Variants in GSS observed in about 807,000 individuals in gnomAD.
The protein encoded by GSS is GSH synthetase.
In GSS, 34 loss-of-function variants were observed where a neutral mutation model predicts 60.4. That is an observed-to-expected ratio of 0.56 (90% CI 0.43 to 0.75). GSS has a LOEUF of 0.75. Among genes scored for constraint, GSS ranks in the 30% least tolerant of loss-of-function variants. The pLI is 0.00. For missense variants in GSS, 499 were observed against 595.1 expected (o/e 0.84, Z 1.68); for synonymous variants, 224 against 239.0 (o/e 0.94, Z 0.58).
chr20:34,951,927 C>T, intron 1 of GSS, 67 bp from the exon 2 acceptor site: 2 of 1,564,012 alleles, frequency 1.3e-6, no homozygotes, highest in East Asian at 4.5e-5. Context: ...CCGAAACTGG[C>T]TGGCGGCCAC....
intron 1 of GSS, among the ~76,000 whole-genome samples, chr20:34,953,202 G>A (rs2081582628): frequency 6.6e-6 from 1 of 152,168 alleles, no homozygotes; most frequent in Non-Finnish European, 1.5e-5. Flanking sequence ...CTGCCCTGTT[G>A]CCATTTAACA....
Position 34,951,728 on chromosome 20 carries a change from G to C in GSS, c.125C>G (p.Ser42Trp), listed in dbSNP as rs371259433. ...LLRTSQEPTS[S>W]EVVSYAPFTL... is the part of the protein sequence containing the mutation. The stretch of plus-strand genomic sequence containing the variant: ...GGGGAGGAGCTAGGGGCTTACCTCC[G>C]AGGAAGTGGGCTCCTGTGAGGTCCT... The change falls in exon 2 of 13, where the codon TCG (serine) becomes TGG (tryptophan). Residue 42 changes from serine to tryptophan, a missense_variant. Transcript: ENST00000651619. 1.2e-6 allele frequency: 2 copies of C among 1,606,614 alleles called. No homozygotes were observed. Among genetic ancestry groups the C allele is most frequent in the East Asian group, 2.2e-5 (1 of 44,670 alleles).
At chr20:34,936,387 G>C (rs1215224551) in intron 8 of GSS, among the ~76,000 whole-genome samples, 1 of 152,150 alleles carries the variant, frequency 6.6e-6, no homozygotes, top group Non-Finnish European at 1.5e-5. Flanking sequence ...ACAAATCCAG[G>C]CTCGAGCTCA....
Position 34,937,112 on chromosome 20 carries a change from T to G in GSS, c.609-89A>C. 4.6e-6 allele frequency: 4 copies of G among 863,566 alleles called. No individual in the cohort carries two copies. In the East Asian group the frequency reaches 1.0e-4, roughly 22 times the overall value. The allele number at this position is 863,566 out of a possible 1,614,324, so 53.5% of individuals were successfully genotyped here. A position where few individuals can be genotyped will look rare whatever the true frequency, so the allele number is the denominator to read the frequency against. On this transcript the variant is annotated intron_variant, in intron 6 of 12. Transcript: ENST00000651619. Reference sequence around the variant, plus strand: ...TCAACCCCCATACCGCCCCACCTCCTGGAATAAGAATAAGAACACCGCTTC... The same window carrying G: ...TCAACCCCCATACCGCCCCACCTCCGGGAATAAGAATAAGAACACCGCTTC...
In GSS at chr20:34,928,860, C is replaced by T; in HGVS notation, c.1393G>A (p.Val465Met). 1 of 1,614,094 alleles carries T rather than the reference C, an allele frequency of 6.2e-7. No homozygotes were observed. Among genetic ancestry groups the T allele is most frequent in the Non-Finnish European group, 8.5e-7 (1 of 1,180,026 alleles). ...EHADGGVAAG[V>M]AVLDNPYPV ...GGGTATGGGTTGTCCAGGACTGCCA[C>T]TCCCGCTGCCACACCACCATCTGCA... Residue 465 changes from valine to methionine, a missense_variant, in exon 13 of 13, where the codon GTG becomes ATG. By Grantham distance (21) the Val-to-Met change is conservative. Coordinates refer to ENST00000651619, the MANE Select transcript of GSS (RefSeq NM_000178.4).
chr20:34,935,063 A>C lies in GSS; in HGVS notation c.834+513T>G, dbSNP rs141438612. Among the ~76,000 whole-genome samples the C allele has an allele frequency of 2.2e-4, 33 of 152,310 alleles. No homozygotes were observed. The East Asian group carries it at 4.8e-3, about 22-fold the overall frequency. On this transcript the variant is annotated intron_variant, in intron 9 of 12. Transcript: ENST00000651619. ...CATCTCTCTAAACGTTAGTTTCTCCATCTGTATAATGGGGATAATTATATG... is the reference window on the plus strand; with the variant it reads ...CATCTCTCTAAACGTTAGTTTCTCCCTCTGTATAATGGGGATAATTATATG...
At position 34,929,129 on chromosome 20, in the gene GSS, TTC is replaced by T. The variant is rs1600375763; in HGVS notation, c.1302-180_1302-179del. Reference sequence around the variant, plus strand: ...TAGTCCTAGGTTGTCAAACCATGTGTTCTGAGTCCTCTTGGTGCTATTTGGAG... The same window carrying T: ...TAGTCCTAGGTTGTCAAACCATGTGTTGAGTCCTCTTGGTGCTATTTGGAG... On this transcript the variant is annotated intron_variant, in intron 12 of 12. Coordinates refer to ENST00000651619, the MANE Select transcript of GSS (RefSeq NM_000178.4). 8 of 771,948 alleles carry T rather than the reference TTC, an allele frequency of 1.0e-5. No individual in the cohort carries two copies. In the East Asian group the frequency reaches 2.1e-4, roughly 20 times the overall value. 47.8% of individuals were successfully genotyped at this position (771,948 alleles called of 1,614,324 possible). A position where few individuals can be genotyped will look rare whatever the true frequency, so the allele number is the denominator to read the frequency against.
intron 4 of GSS, 47 bp from the exon 5 acceptor site, chr20:34,942,674 C>CT (rs1370063433): frequency 6.3e-7 from 1 of 1,594,986 alleles, no homozygotes; most frequent in Admixed American, 1.7e-5. Context: ...GGGACTGACT[C>CT]TGAGGACCTA....
chr20:34,952,626 G>A (rs974085489), intron 1 of GSS: 1 of 152,590 alleles, frequency 6.6e-6, no homozygotes, highest in Non-Finnish European at 1.5e-5. Context: ...AGTAGAGACG[G>A]GGTTTCACCG....
chr20:34,950,598 C>T (rs1363942433), intron 2 of GSS, among the ~76,000 whole-genome samples: 5 of 150,524 alleles, frequency 3.3e-5, no homozygotes, highest in Non-Finnish European at 7.4e-5. Context: ...AAACCCTGTC[C>T]CTACCAAAAA....
intron 9 of GSS, among the ~76,000 whole-genome samples, 190 bp from the exon 10 acceptor site, chr20:34,932,323 A>G (rs1214530745): frequency 6.6e-6 from 1 of 152,172 alleles, no homozygotes; most frequent in African/African-American, 2.4e-5. Flanking sequence ...CCAGACTGTG[A>G]GCCCCTGCAA....
At chr20:34,955,004 T>A (rs1456689423) in intron 1 of GSS, 1 of 152,290 alleles carries the variant, frequency 6.6e-6, no homozygotes, top group Non-Finnish European at 1.5e-5. Flanking sequence ...TCAGGTGTCT[T>A]CAGTGACCAG....
At chr20:34,941,354 C>CAA (rs11349896) in intron 6 of GSS, among the ~76,000 whole-genome samples, 4 of 118,732 alleles carry the variant, frequency 3.4e-5, no homozygotes, top group Non-Finnish European at 3.6e-5. Context: ...GACTCTGTCT[C>CAA]AAAAAAAAAA....
chr20:34,938,318 A>T (rs1312579724), intron 6 of GSS, among the ~76,000 whole-genome samples: 1 of 152,156 alleles, frequency 6.6e-6, no homozygotes, highest in Non-Finnish European at 1.5e-5. Context: ...ACCTTGGCTG[A>T]ACCTCTTAGT....
At chr20:34,947,502 AAGACTGGGCCCC>A (rs1408411303) in intron 2 of GSS, among the ~76,000 whole-genome samples, 2 of 152,206 alleles carry the variant, frequency 1.3e-5, no homozygotes, top group Non-Finnish European at 2.9e-5. Context: ...TCCTGGGGAA[AAGACTGGGCCCC>A]AGCCACCCAG....
chr20:34,953,842 C>T (rs370836650), intron 1 of GSS, among the ~76,000 whole-genome samples: 1 of 152,112 alleles, frequency 6.6e-6, no homozygotes, highest in African/African-American at 2.4e-5. Context: ...GTCTCGATCT[C>T]GTGATCCCCC....
At chr20:34,929,617 G>A in intron 11 of GSS, 27 bp from the exon 12 acceptor site, 1 of 1,597,654 alleles carries the variant, frequency 6.3e-7, no homozygotes. Flanking sequence ...CAGTCACCCT[G>A]GACCCTCTGC....
chr20:34,943,099 T>G, intron 3 of GSS, 93 bp from the exon 4 acceptor site: 1 of 839,720 alleles, frequency 1.2e-6, no homozygotes, highest in Non-Finnish European at 2.0e-6. Context: ...GAATCCTCTC[T>G]GAGTCTACTG....
chr20:34,945,489 T>C (rs2081513953), intron 3 of GSS, among the ~76,000 whole-genome samples: 1 of 151,594 alleles, frequency 6.6e-6, no homozygotes, highest in Non-Finnish European at 1.5e-5. Flanking sequence ...CTGTACCCCA[T>C]CCCATCCAAA....
Sources: gnomAD v4.1 joint callset for allele counts (sites outside exome capture counted in the v4.1 genomes callset) on GRCh38, gnomAD v4.1.1 for gene constraint, MANE v1.5 for transcripts, NCBI Gene and HGNC (gene_info 2026-07-23, HGNC 2026-07-21) for gene names.